The following ANXA10 variants were observed in gnomAD, a reference collection of about 807,000 sequenced individuals.
ANXA10 encodes the protein annexin A10, also known as annexin 14.
A neutral mutation model predicts 53.5 loss-of-function variants in ANXA10; 49 were observed. That is an observed-to-expected ratio of 0.92 (90% CI 0.73 to 1.16). The LOEUF is 1.16. Among genes scored for constraint, ANXA10 ranks in the 50% most tolerant of loss-of-function variants. ANXA10 has a pLI of 0.00. For missense variants in ANXA10, 393 were observed against 394.4 expected (o/e 1.00, Z 0.03); for synonymous variants, 131 against 128.9 (o/e 1.02, Z -0.11).
intron 5 of ANXA10, 45 bp downstream of exon 5, chr4:168,164,333 C>G: frequency 7.6e-7 from 1 of 1,310,622 alleles, no homozygotes; most frequent in Non-Finnish European, 1.1e-6. Flanking sequence ...CATATAAGAA[C>G]TTTATAACAC....
chr4:168,153,470 A>AC (rs1731540260), intron 3 of ANXA10, among the ~76,000 whole-genome samples: 1 of 116,858 alleles, frequency 8.6e-6, no homozygotes, highest in Non-Finnish European at 1.9e-5. Context: ...AAAAAAAAAA[A>AC]CCAATAACAA....
chr4:168,154,731 C>T (rs1461371303), intron 3 of ANXA10, among the ~76,000 whole-genome samples: 2 of 152,106 alleles, frequency 1.3e-5, no homozygotes, highest in Admixed American at 1.3e-4. Flanking sequence ...ACTTTGGTCG[C>T]ATATAATTAG....
intron 2 of ANXA10, among the ~76,000 whole-genome samples, chr4:168,130,335 T>C (rs1435833282): frequency 1.3e-5 from 2 of 152,146 alleles, no homozygotes; most frequent in African/African-American, 4.8e-5. Context: ...AATCATGAAA[T>C]ATAATGCCTT....
At chr4:168,156,298 TTATATATAATAGTATATATAATATATAA>T (rs2149476074) in intron 3 of ANXA10, among the ~76,000 whole-genome samples, 1 of 68,002 alleles carries the variant, frequency 1.5e-5, no homozygotes, top group East Asian at 6.6e-4. Context: ...TTATATTATA[TTATATATAATAGTATATATAATATATAA>T]TATATTATAT....
chr4:168,134,054 A>G (rs1731196543), intron 2 of ANXA10, among the ~76,000 whole-genome samples: 1 of 152,124 alleles, frequency 6.6e-6, no homozygotes, highest in African/African-American at 2.4e-5. Flanking sequence ...AAGAGAGTTC[A>G]GTAACTTCTC....
chr4:168,163,768 G>A (rs1437181437), intron 4 of ANXA10, among the ~76,000 whole-genome samples: 1 of 152,130 alleles, frequency 6.6e-6, no homozygotes, highest in Non-Finnish European at 1.5e-5. Context: ...TCCACATCTA[G>A]AGAGGCAGGC....
intron 2 of ANXA10, among the ~76,000 whole-genome samples, chr4:168,136,348 A>G (rs1283645987): frequency 2.6e-5 from 4 of 152,208 alleles, no homozygotes; most frequent in African/African-American, 9.7e-5. Context: ...TCCACAGTCC[A>G]AAGTCTCATG....
At chr4:168,101,767 T>C (rs1730643397) in intron 1 of ANXA10, among the ~76,000 whole-genome samples, 1 of 152,128 alleles carries the variant, frequency 6.6e-6, no homozygotes, top group African/African-American at 2.4e-5. Flanking sequence ...CACACATCTA[T>C]ATTTACTTTT....
intron 6 of ANXA10, among the ~76,000 whole-genome samples, chr4:168,170,863 A>C (rs1032465544): frequency 6.6e-6 from 1 of 152,202 alleles, no homozygotes; most frequent in Admixed American, 6.5e-5. Flanking sequence ...AAATGGAGGT[A>C]CCAAACTATT....
At chr4:168,115,670 T>G (rs993097853) in intron 1 of ANXA10, among the ~76,000 whole-genome samples, 1 of 152,208 alleles carries the variant, frequency 6.6e-6, no homozygotes, top group Non-Finnish European at 1.5e-5. Context: ...TAATAGTATA[T>G]GTTATTTTAT....
chr4:168,108,566 G>A (rs1335798413), intron 1 of ANXA10, among the ~76,000 whole-genome samples: 1 of 152,052 alleles, frequency 6.6e-6, no homozygotes, highest in Non-Finnish European at 1.5e-5. Context: ...CCTTCTAAAG[G>A]AGAATTTGGA....
chr4:168,116,682 A>G (rs1730900308), intron 1 of ANXA10, among the ~76,000 whole-genome samples: 1 of 152,178 alleles, frequency 6.6e-6, no homozygotes, highest in African/African-American at 2.4e-5. Context: ...ATTAATATGC[A>G]ATTTGTTTCA....
At chr4:168,169,405 C>G (rs745838180) in intron 6 of ANXA10, among the ~76,000 whole-genome samples, 2 of 152,136 alleles carry the variant, frequency 1.3e-5, no homozygotes, top group Non-Finnish European at 2.9e-5. Context: ...TAATATCAAA[C>G]AAGTTTTTAT....
chr4:168,092,715 CTATG>C lies in ANXA10; in HGVS notation c.17_18+2del, dbSNP rs1730478917. 1 of 1,587,738 alleles carries C rather than the reference CTATG, an allele frequency of 6.3e-7. No individual in the cohort carries two copies. On this transcript the variant is annotated splice_donor_variant and coding_sequence_variant, in exon 1 of 12. Transcript: ENST00000359299. LOFTEE classifies it high-confidence loss of function. ...TTACCATCAAAATGTTTTGTGGAGA[CTATG>C]TGAGTATAATGCTTATTTCTGTAAA...
rs376924968 is a variant in ANXA10 at position 168,155,766 on chromosome 4, G to A, written c.196-6762G>A. On this transcript the variant is annotated intron_variant, in intron 3 of 11. Coordinates refer to ENST00000359299, the MANE Select transcript of ANXA10 (RefSeq NM_007193.5). ...ATATATTATATATTATATAATATAT[G>A]ATATATCATATATTATATATTATAT... 3.2e-4 allele frequency among the ~76,000 whole-genome samples: 9 copies of A among 28,116 alleles called. 1 individual carries two copies. Among genetic ancestry groups the A allele is most frequent in the East Asian group, 2.0e-3 (1 of 504 alleles). The allele number at this position is 28,116 out of a possible 152,430, so 18.4% of individuals were successfully genotyped here. A position where few individuals can be genotyped will look rare whatever the true frequency, so the allele number is the denominator to read the frequency against.
At chr4:168,117,804 G>T (rs1730917410) in intron 1 of ANXA10, among the ~76,000 whole-genome samples, 1 of 152,062 alleles carries the variant, frequency 6.6e-6, no homozygotes, top group Non-Finnish European at 1.5e-5. Context: ...CCACTTCAGG[G>T]TTACAGGTGG....
At chr4:168,103,274 C>A (rs1011455611) in intron 1 of ANXA10, among the ~76,000 whole-genome samples, 1 of 151,720 alleles carries the variant, frequency 6.6e-6, no homozygotes, top group Admixed American at 6.6e-5. Context: ...TTATATTTTT[C>A]TTCTAGAAGT....
chr4:168,179,379 T>C (rs1732195978), intron 9 of ANXA10, 67 bp downstream of exon 9: 4 of 1,144,496 alleles, frequency 3.5e-6, no homozygotes, highest in Non-Finnish European at 5.1e-6. Context: ...GTGGCTCTGA[T>C]TGAACTAAAG....
intron 3 of ANXA10, among the ~76,000 whole-genome samples, chr4:168,149,408 CTTT>C (rs2149473895): frequency 6.6e-6 from 1 of 152,220 alleles, no homozygotes; most frequent in South Asian, 2.1e-4. Flanking sequence ...ACTAGCTACT[CTTT>C]TTAGTTTTTA....
Sources: gnomAD v4.1 joint callset for allele counts (sites outside exome capture counted in the v4.1 genomes callset) on GRCh38, gnomAD v4.1.1 for gene constraint, MANE v1.5 for transcripts, NCBI Gene and HGNC (gene_info 2026-07-23, HGNC 2026-07-21) for gene names.